The following MAPK10 variants were observed in gnomAD, a reference collection of about 807,000 sequenced individuals.
MAPK10 encodes JNK3 alpha protein kinase.
In MAPK10, 25 loss-of-function variants were observed where a neutral mutation model predicts 59.3. The ratio of observed to expected loss-of-function variants is 0.42; its 90% CI spans 0.31 to 0.59. MAPK10 has a LOEUF of 0.59. Among genes scored for constraint, MAPK10 ranks in the 20% least tolerant of loss-of-function variants. The pLI, the probability that MAPK10 is intolerant of heterozygous loss-of-function variation, is 0.15. For missense variants in MAPK10, 351 were observed against 568.9 expected (o/e 0.62, Z 3.90); for synonymous variants, 190 against 200.5 (o/e 0.95, Z 0.44).
intron 11 of MAPK10, among the ~76,000 whole-genome samples, chr4:86,041,850 G>A (rs1579032382): frequency 6.6e-6 from 1 of 152,128 alleles, no homozygotes; most frequent in South Asian, 2.1e-4. Context: ...AAACAGGAAC[G>A]CTTTTACACT....
intron 2 of MAPK10, among the ~76,000 whole-genome samples, chr4:86,205,294 G>T (rs2083551943): frequency 6.6e-6 from 1 of 151,904 alleles, no homozygotes; most frequent in Non-Finnish European, 1.5e-5. Context: ...AAATATAACA[G>T]TCTTGGACTT....
chr4:86,059,361 G>A (rs766217446), intron 11 of MAPK10, among the ~76,000 whole-genome samples: 4 of 152,102 alleles, frequency 2.6e-5, no homozygotes, highest in Non-Finnish European at 5.9e-5. Flanking sequence ...CTAAAGTAGT[G>A]AACTAGTAAA....
intron 1 of MAPK10, among the ~76,000 whole-genome samples, chr4:86,553,837 T>C (rs1042091479): frequency 3.9e-5 from 6 of 152,156 alleles, no homozygotes; most frequent in Non-Finnish European, 8.8e-5. Flanking sequence ...CTTCTACTTC[T>C]CTAAGTGCCC....
intron 3 of MAPK10, among the ~76,000 whole-genome samples, chr4:86,184,967 G>A (rs2077827009): frequency 6.6e-6 from 1 of 152,142 alleles, no homozygotes; most frequent in African/African-American, 2.4e-5. Context: ...GATTCCAATG[G>A]TGTGCTGGTA....
chr4:86,240,795 T>C (rs961930883), intron 2 of MAPK10, among the ~76,000 whole-genome samples: 5 of 152,218 alleles, frequency 3.3e-5, no homozygotes, highest in Non-Finnish European at 7.3e-5. Flanking sequence ...CTCATCCAAT[T>C]TGCCAGTCTG....
At chr4:86,132,795 G>A (rs1409615530) in intron 4 of MAPK10, among the ~76,000 whole-genome samples, 1 of 152,180 alleles carries the variant, frequency 6.6e-6, no homozygotes, top group East Asian at 1.9e-4. Context: ...TCTAATATCT[G>A]ATGATCTGTC....
intron 2 of MAPK10, among the ~76,000 whole-genome samples, chr4:86,270,378 AT>A (rs894558147): frequency 6.6e-5 from 8 of 120,524 alleles, no homozygotes; most frequent in Non-Finnish European, 1.1e-4. Context: ...AATGTGTGCT[AT>A]TTTTTTTAAT....
chr4:86,179,991 A>G (rs899594372), intron 3 of MAPK10, among the ~76,000 whole-genome samples: 1 of 152,060 alleles, frequency 6.6e-6, no homozygotes, highest in Non-Finnish European at 1.5e-5. Flanking sequence ...AATGGATTGT[A>G]TCAAACTAAA....
chr4:86,071,154 AT>A lies in MAPK10; in HGVS notation c.803-3200del, dbSNP rs2047855286. 2.6e-5 allele frequency among the ~76,000 whole-genome samples: 4 copies of A among 151,952 alleles called. No homozygotes were observed. The South Asian group carries it at 8.3e-4, about 32-fold the overall frequency. On this transcript the variant is annotated intron_variant, in intron 9 of 13. Coordinates refer to ENST00000641462, the MANE Select transcript of MAPK10 (RefSeq NM_138982.4). ...TCTCTGATGGCCAGTGATGATGAGC[AT>A]TTTTTCATGTGTTTTTTGGCTGCAT...
At chr4:86,386,346 C>T (rs765496045) in intron 1 of MAPK10, among the ~76,000 whole-genome samples, 8 of 152,184 alleles carry the variant, frequency 5.3e-5, no homozygotes, top group Non-Finnish European at 1.0e-4. Flanking sequence ...GTACCATACT[C>T]CCTCTTGGGA....
chr4:86,569,588 G>A (rs180903105), intron 1 of MAPK10, among the ~76,000 whole-genome samples: 1 of 152,186 alleles, frequency 6.6e-6, no homozygotes, highest in East Asian at 1.9e-4. Flanking sequence ...AAAAAATGTG[G>A]TATTATATAT....
chr4:86,290,497 C>T (rs1319460284), intron 2 of MAPK10, among the ~76,000 whole-genome samples: 2 of 152,214 alleles, frequency 1.3e-5, no homozygotes, highest in African/African-American at 4.8e-5. Context: ...TCTGTATCCC[C>T]TCTCCCTGCT....
intron 11 of MAPK10, among the ~76,000 whole-genome samples, chr4:86,042,366 A>G (rs1349851565): frequency 6.6e-6 from 1 of 152,150 alleles, no homozygotes; most frequent in Non-Finnish European, 1.5e-5. Flanking sequence ...GACCATACCT[A>G]ATGCATGCTG....
chr4:86,148,002 A>T (rs1004823570), intron 4 of MAPK10, among the ~76,000 whole-genome samples: 1 of 152,238 alleles, frequency 6.6e-6, no homozygotes, highest in African/African-American at 2.4e-5. Flanking sequence ...TACACATTAC[A>T]TTATTGATAA....
At chr4:86,025,977 T>A (rs750428965) in intron 13 of MAPK10, among the ~76,000 whole-genome samples, 6 of 152,206 alleles carry the variant, frequency 3.9e-5, no homozygotes, top group Non-Finnish European at 8.8e-5. Context: ...CCACAATTTG[T>A]CTGGGCCTGA....
chr4:86,408,213 C>T (rs889273507), intron 1 of MAPK10, among the ~76,000 whole-genome samples: 13 of 152,092 alleles, frequency 8.5e-5, no homozygotes, highest in African/African-American at 3.1e-4. Context: ...ATCCATGTCC[C>T]TGCAAAGGAC....
At chr4:86,369,516 G>C (rs11941484) in intron 1 of MAPK10, among the ~76,000 whole-genome samples, 1 of 152,170 alleles carries the variant, frequency 6.6e-6, no homozygotes, top group African/African-American at 2.4e-5. Flanking sequence ...GGTGTATTTA[G>C]TCTTACATTT....
intron 1 of MAPK10, among the ~76,000 whole-genome samples, chr4:86,390,026 C>T (rs932488070): frequency 6.6e-6 from 1 of 152,122 alleles, no homozygotes; most frequent in Non-Finnish European, 1.5e-5. Context: ...CTAAATATTG[C>T]CTTTTCCTAA....
chr4:86,168,725 A>G (rs553571935), intron 3 of MAPK10, among the ~76,000 whole-genome samples: 4,484 of 152,130 alleles, frequency 0.029, 90 homozygotes, highest in South Asian at 0.041. Context: ...CTCCCAGCAC[A>G]CAGCTGGAGA....
Sources: gnomAD v4.1 joint callset for allele counts (sites outside exome capture counted in the v4.1 genomes callset) on GRCh38, gnomAD v4.1.1 for gene constraint, MANE v1.5 for transcripts, NCBI Gene and HGNC (gene_info 2026-07-23, HGNC 2026-07-21) for gene names.